Variants in ANKRD44 observed in about 807,000 individuals in gnomAD.
ANKRD44 encodes the protein ankyrin repeat domain 44, also known as serine/threonine-protein phosphatase 6 regulatory ankyrin repeat subunit B.
In ANKRD44, 35 loss-of-function variants were observed where a neutral mutation model predicts 116.0. The ratio of observed to expected loss-of-function variants is 0.30; its 90% CI spans 0.23 to 0.40. ANKRD44 has a LOEUF of 0.40. ANKRD44 is among the 10% of genes least tolerant of loss of function. ANKRD44 has a pLI of 1.00. For missense variants in ANKRD44, 1,014 were observed against 1,242.6 expected (o/e 0.82, Z 2.77); for synonymous variants, 435 against 461.8 (o/e 0.94, Z 0.74).
rs964437405 is a variant in ANKRD44 at position 197,212,802 on chromosome 2, A to C, written c.28-25696T>G. Among the ~76,000 whole-genome samples, 1 of 152,122 alleles carries C rather than the reference A, an allele frequency of 6.6e-6. No homozygotes were observed. The highest frequency in any genetic ancestry group is 2.4e-5 in the African/African-American group (1 of 41,410). The stretch of plus-strand genomic sequence containing the variant: ...TGGACACGTACACACACAAACACAC[A>C]CTTCAATCAGGAACTCGGTGATCAC... On this transcript the variant is annotated intron_variant, in intron 1 of 27. Coordinates refer to ENST00000282272, the MANE Select transcript of ANKRD44 (RefSeq NM_001195144.2). The surrounding 1 kb of genome is among the most constrained non-coding windows in gnomAD (Gnocchi z 4.8).
intron 1 of ANKRD44, among the ~76,000 whole-genome samples, chr2:197,248,529 T>C (rs2082241996): frequency 6.8e-6 from 1 of 147,940 alleles, no homozygotes; most frequent in African/African-American, 2.5e-5. Context: ...AAATACATAC[T>C]TATATATATT....
rs187389342 is a variant in ANKRD44 at position 197,137,790 on chromosome 2, C to T, written c.191-1128G>A. ...ATACTATGCTGTCAAAGTTGAGAGCCACTGATGAATTGTTGCTTAATTTAT... is the reference window on the plus strand; with the variant it reads ...ATACTATGCTGTCAAAGTTGAGAGCTACTGATGAATTGTTGCTTAATTTAT... On this transcript the variant is annotated intron_variant, in intron 3 of 27. Transcript: ENST00000282272. Among the ~76,000 whole-genome samples, 5 of 152,294 alleles carry T rather than the reference C, an allele frequency of 3.3e-5. No individual in the cohort carries two copies. In the East Asian group the frequency reaches 9.6e-4, roughly 29 times the overall value.
chr2:197,263,400 C>A, intron 1 of ANKRD44: 1 of 605,234 alleles, frequency 1.7e-6, no homozygotes, highest in Non-Finnish European at 3.0e-6. Flanking sequence ...TGTTTGGGAG[C>A]CTCATCATTG....
chr2:197,177,760 AT>A (rs2080402325), intron 2 of ANKRD44, among the ~76,000 whole-genome samples: 1 of 152,264 alleles, frequency 6.6e-6, no homozygotes, highest in East Asian at 1.9e-4. Context: ...ATTCTTCTAG[AT>A]TTCTTCTTCT....
At chr2:197,071,514 T>A (rs1341379922) in intron 16 of ANKRD44, among the ~76,000 whole-genome samples, 1 of 152,208 alleles carries the variant, frequency 6.6e-6, no homozygotes, top group Non-Finnish European at 1.5e-5. Context: ...GGTATCTTTC[T>A]GTTATTGATT....
intron 2 of ANKRD44, among the ~76,000 whole-genome samples, chr2:197,162,360 A>C (rs2125502561): frequency 6.6e-6 from 1 of 152,228 alleles, no homozygotes; most frequent in South Asian, 2.1e-4. Flanking sequence ...CCTCTTATGA[A>C]CCGTTTTATT....
intron 1 of ANKRD44, among the ~76,000 whole-genome samples, chr2:197,306,079 AG>A (rs1304170841): frequency 1.3e-5 from 2 of 151,646 alleles, no homozygotes; most frequent in African/African-American, 4.9e-5. Flanking sequence ...TAAGCCAGGC[AG>A]GGGCAGAGGC....
rs570121448 is a variant in ANKRD44 at position 197,154,751 on chromosome 2, T to C, written c.112-7646A>G. ...ATTTACAGTCCTTATTCATCCCTAATGCATGCATTGTCTCATAAAGCTGAA... is the reference window on the plus strand; with the variant it reads ...ATTTACAGTCCTTATTCATCCCTAACGCATGCATTGTCTCATAAAGCTGAA... On this transcript the variant is annotated intron_variant, in intron 2 of 27. Transcript: ENST00000282272. Among the ~76,000 whole-genome samples, 6 of 152,308 alleles carry C rather than the reference T, an allele frequency of 3.9e-5. No homozygotes were observed. The East Asian group carries it at 5.8e-4, about 15-fold the overall frequency.
Position 197,241,395 on chromosome 2 carries a change from C to A in ANKRD44, c.28-54289G>T, listed in dbSNP as rs2082087177. On this transcript the variant is annotated intron_variant, in intron 1 of 27. Transcript: ENST00000282272. ...GCATCATGGATCTCCAAGAGGGGCACAGTAAATAGATTTTCTACTTGAACT... is the reference window on the plus strand; with the variant it reads ...GCATCATGGATCTCCAAGAGGGGCAAAGTAAATAGATTTTCTACTTGAACT... Among the ~76,000 whole-genome samples the A allele has an allele frequency of 2.6e-5, 4 of 152,152 alleles. No individual in the cohort carries two copies. In the South Asian group the frequency reaches 8.3e-4, roughly 32 times the overall value.
rs903876165 is a variant in ANKRD44, at chr2:197,234,666, A to T, written c.28-47560T>A. Among the ~76,000 whole-genome samples the T allele has an allele frequency of 5.9e-5, 9 of 152,204 alleles. 1 individual carries two copies. The highest frequency in any genetic ancestry group is 3.9e-4 in the Admixed American group (6 of 15,288). On this transcript the variant is annotated intron_variant, in intron 1 of 27. Transcript: ENST00000282272. ...TAGGTAAACACCCCCAATTTTACTTATCCCTATTGATAACAATTTGGTGGT... is the reference window on the plus strand; with the variant it reads ...TAGGTAAACACCCCCAATTTTACTTTTCCCTATTGATAACAATTTGGTGGT...
chr2:197,026,678 A>G (rs950132153), intron 16 of ANKRD44, among the ~76,000 whole-genome samples: 5 of 152,158 alleles, frequency 3.3e-5, no homozygotes, highest in African/African-American at 7.2e-5. Context: ...GTGGAAATTC[A>G]GTGGAGTGTT....
intron 10 of ANKRD44, among the ~76,000 whole-genome samples, chr2:197,094,278 C>T (rs930139311): frequency 6.6e-6 from 1 of 152,162 alleles, no homozygotes; most frequent in Admixed American, 6.5e-5. Context: ...TCTACTTCAC[C>T]TTTGGCAAGT....
Position 197,033,332 on chromosome 2 carries a change from T to G in ANKRD44, c.1651-8065A>C, listed in dbSNP as rs79107891. 5.9e-5 allele frequency among the ~76,000 whole-genome samples: 9 copies of G among 152,124 alleles called. No homozygotes were observed. The East Asian group carries it at 1.7e-3, about 29-fold the overall frequency. ...GTGGTGATGGTAATGATTACCATGA[T>G]GATGAAGGTGATGGTGGTGGTGATA... On this transcript the variant is annotated intron_variant, in intron 16 of 27. Coordinates refer to ENST00000282272, the MANE Select transcript of ANKRD44 (RefSeq NM_001195144.2).
intron 2 of ANKRD44, among the ~76,000 whole-genome samples, chr2:197,181,192 G>A (rs919888488): frequency 2.6e-5 from 4 of 152,146 alleles, no homozygotes; most frequent in African/African-American, 9.7e-5. Context: ...AATCCTATTA[G>A]AGCAAATAAT....
chr2:197,183,743 C>A (rs1559131438), intron 2 of ANKRD44, among the ~76,000 whole-genome samples: 2 of 152,144 alleles, frequency 1.3e-5, no homozygotes, highest in Admixed American at 1.3e-4. Context: ...TAACATCAAC[C>A]TAAGAACTCA....
chr2:197,070,500 T>C (rs188697240), intron 16 of ANKRD44, among the ~76,000 whole-genome samples: 19 of 152,338 alleles, frequency 1.2e-4, no homozygotes, highest in African/African-American at 3.8e-4. Context: ...TTGGTTGATA[T>C]AAATCTGATT....
chr2:197,216,285 C>T (rs147616579), intron 1 of ANKRD44, among the ~76,000 whole-genome samples: 53 of 152,284 alleles, frequency 3.5e-4, no homozygotes, highest in Non-Finnish European at 6.5e-4. Context: ...AGTCATTTCA[C>T]CCTAAAGGTC....
At chr2:197,239,034 C>G (rs887511217) in intron 1 of ANKRD44, among the ~76,000 whole-genome samples, 1 of 152,122 alleles carries the variant, frequency 6.6e-6, no homozygotes, top group African/African-American at 2.4e-5. Flanking sequence ...CAGGTTCCAT[C>G]TGTCTTGCTG....
chr2:197,103,975 TATATA>T (rs1162245058), intron 9 of ANKRD44, among the ~76,000 whole-genome samples: 1 of 152,238 alleles, frequency 6.6e-6, no homozygotes, highest in Non-Finnish European at 1.5e-5. Context: ...TGTAAATGAC[TATATA>T]ATATCAGTAT....
Sources: gnomAD v4.1 joint callset for allele counts (sites outside exome capture counted in the v4.1 genomes callset) on GRCh38, gnomAD v4.1.1 for gene constraint, Gnocchi (gnomAD v3.1) non-coding constraint, MANE v1.5 for transcripts, NCBI Gene and HGNC (gene_info 2026-07-23, HGNC 2026-07-21) for gene names.